C6orf118: variants seen among roughly 807,000 people sequenced by gnomAD.
C6orf118 encodes the protein chromosome 6 open reading frame 118.
C6orf118 carries 50 observed loss-of-function variants against 50.2 expected under a neutral mutation model. The observed-to-expected ratio is 1.00, with a 90% CI of 0.79 to 1.26. The LOEUF is 1.26. C6orf118 is among the 50% of genes most tolerant of loss of function. The probability of loss-of-function intolerance (pLI) is 0.00; values close to 1 mark genes in which losing one functional copy is unlikely to be tolerated. For missense variants in C6orf118, 641 were observed against 578.7 expected, an observed-to-expected ratio of 1.11 and a Z score of -1.10; for synonymous variants, 239 against 230.9, an observed-to-expected ratio of 1.03 and a Z score of -0.32.
intron 6 of C6orf118, 101 bp from the exon 7 acceptor site, chr6:165,290,168 T>C: frequency 4.4e-6 from 3 of 676,722 alleles, no homozygotes; most frequent in Non-Finnish European, 7.1e-6. Flanking sequence ...CTATAGTATA[T>C]ATAACTATAA....
Position 165,289,998 on chromosome 6 carries a change from C to A in C6orf118, c.1190G>T (p.Cys397Phe). 6.2e-7 allele frequency: 1 copy of A among 1,610,934 alleles called. No individual in the cohort carries two copies. Among genetic ancestry groups the A allele is most frequent in the Non-Finnish European group, 8.5e-7 (1 of 1,178,454 alleles). ...TLTEKVEKKRCEILSKWDEIQ... is the reference protein window; with the variant it reads ...TLTEKVEKKRFEILSKWDEIQ... Reference sequence around the variant, plus strand: ...CTCATCCCACTTACTGAGTATTTCACACCTCTTCTTTTCAACCTTCTCAGT... The same window carrying A: ...CTCATCCCACTTACTGAGTATTTCAAACCTCTTCTTTTCAACCTTCTCAGT... Residue 397 changes from cysteine to phenylalanine, a missense_variant, in exon 7 of 9, where the codon TGT becomes TTT. Cys to Phe is a radical substitution (Grantham distance 205, BLOSUM62 -2). Transcript: ENST00000230301.
At chr6:165,282,892 T>G (rs1348278058) in intron 7 of C6orf118, among the ~76,000 whole-genome samples, 1 of 152,208 alleles carries the variant, frequency 6.6e-6, no homozygotes, top group Admixed American at 6.5e-5. Flanking sequence ...GTTTACATTG[T>G]TCTGACATTA....
intron 4 of C6orf118, 150 bp from the exon 5 acceptor site, chr6:165,298,251 G>T: frequency 1.0e-6 from 1 of 988,232 alleles, no homozygotes; most frequent in Non-Finnish European, 1.4e-6. Context: ...ATTTAAGGGA[G>T]GGAGGGCCGT....
chr6:165,279,876 G>A lies in C6orf118; in HGVS notation c.*181C>T. The A allele has an allele frequency of 2.0e-6, 1 of 512,040 alleles. No homozygotes were observed. Among genetic ancestry groups the A allele is most frequent in the South Asian group, 3.6e-5 (1 of 27,436 alleles). The allele number at this position is 512,040 out of a possible 1,614,324, so 31.7% of individuals were successfully genotyped here. ...TATGTATGCAACAGAAACTAATCAT[G>A]TGTACGCATGTGTGTATTTCAGTAT... On this transcript the variant is annotated 3_prime_UTR_variant, in exon 9 of 9. Transcript: ENST00000230301.
chr6:165,298,597 G>A, intron 4 of C6orf118, among the ~76,000 whole-genome samples: 1 of 152,164 alleles, frequency 6.6e-6, no homozygotes, highest in Non-Finnish European at 1.5e-5. Flanking sequence ...CTGCTGGCCT[G>A]GGAATTTTTT....
chr6:165,287,190 G>C (rs1037001994), intron 7 of C6orf118, among the ~76,000 whole-genome samples: 1 of 152,008 alleles, frequency 6.6e-6, no homozygotes, highest in African/African-American at 2.4e-5. Flanking sequence ...TTGCCATAAA[G>C]AGAACAAAAT....
chr6:165,289,872 A>T lies in C6orf118; in HGVS notation c.1302+14T>A, dbSNP rs1335021154. 1 of 1,526,920 alleles carries T rather than the reference A, an allele frequency of 6.5e-7. No individual in the cohort carries two copies. Among genetic ancestry groups the T allele is most frequent in the Non-Finnish European group, 8.8e-7 (1 of 1,133,006 alleles). 94.6% of individuals were successfully genotyped at this position (1,526,920 alleles called of 1,614,324 possible). ...AAAGAATAATGTAAATATTTAAATA[A>T]ATAAGTTGCGTACCTCTATGCTTTT... On this transcript the variant is annotated intron_variant, in intron 7 of 8. Transcript: ENST00000230301.
At chr6:165,308,107 G>A (rs1780813235) in intron 1 of C6orf118, among the ~76,000 whole-genome samples, 1 of 152,226 alleles carries the variant, frequency 6.6e-6, no homozygotes, top group South Asian at 2.1e-4. Flanking sequence ...GCCCAAGGGA[G>A]AAGCACATGC....
At position 165,301,791 on chromosome 6, in the gene C6orf118, G is replaced by C; in HGVS notation, c.531C>G (p.Leu177=). 1 of 1,614,048 alleles carries C rather than the reference G, an allele frequency of 6.2e-7. No homozygotes were observed. Among genetic ancestry groups the C allele is most frequent in the Non-Finnish European group, 8.5e-7 (1 of 1,180,012 alleles). ...GPPGWRRREE[L]RLPDLKVLCY... is the part of the protein sequence containing the mutation. ...ACAGCACCTTCAAGTCGGGCAGCCG[G>C]AGTTCTTCCCTCCTGCGCCATCCAG... is the stretch of plus-strand genomic sequence containing the variant. The change falls in exon 2 of 9, where the codon CTC becomes CTG. Residue 177 remains leucine (L), a synonymous_variant. Coordinates refer to ENST00000230301, the MANE Select transcript of C6orf118 (RefSeq NM_144980.4).
intron 5 of C6orf118, among the ~76,000 whole-genome samples, chr6:165,295,661 C>T (rs74429976): frequency 4.6e-4 from 23 of 50,538 alleles, no homozygotes; most frequent in South Asian, 6.1e-4. Flanking sequence ...TTTTTTTTTT[C>T]GGTGTTGTTT....
chr6:165,299,022 GA>G (rs1780415333), intron 4 of C6orf118, among the ~76,000 whole-genome samples: 1 of 152,118 alleles, frequency 6.6e-6, no homozygotes, highest in African/African-American at 2.4e-5. Context: ...TGTTTAACCC[GA>G]CCCTGGAAGG....
intron 5 of C6orf118, among the ~76,000 whole-genome samples, chr6:165,297,713 G>C (rs1780359740): frequency 6.6e-6 from 1 of 152,146 alleles, no homozygotes; most frequent in Non-Finnish European, 1.5e-5. Flanking sequence ...CTATCAGTCA[G>C]TCTTCAGGGG....
rs1316041999 is a variant in C6orf118 at position 165,301,591 on chromosome 6, C to T, written c.731G>A (p.Gly244Asp). The change falls in exon 2 of 9, where the codon GGC becomes GAC. Residue 244 changes from glycine (G) to aspartate (D), a missense_variant. Transcript: ENST00000230301. ...CACCTGCTGCAGCTTTCTCTCGTGG[C>T]CCGCGGCCGCCTTGCTCCCAGTGAA... Reference protein sequence around the residue: ...NDFTGSKAAAGHERKLQQELQ... With the variant: ...NDFTGSKAAADHERKLQQELQ... 6.2e-7 allele frequency: 1 copy of T among 1,613,072 alleles called. No individual in the cohort carries two copies. The highest frequency in any genetic ancestry group is 1.3e-5 in the African/African-American group (1 of 74,912).
At chr6:165,300,751 T>A (rs1780498003) in intron 2 of C6orf118, among the ~76,000 whole-genome samples, 1 of 151,990 alleles carries the variant, frequency 6.6e-6, no homozygotes, top group Admixed American at 6.6e-5. Flanking sequence ...GCATTCACTC[T>A]CCGCCTCCAC....
rs532332663 is a variant in C6orf118 at position 165,292,234 on chromosome 6, A to G, written c.1120+1179T>C. 7.9e-5 allele frequency among the ~76,000 whole-genome samples: 12 copies of G among 152,318 alleles called. 1 individual carries two copies. The South Asian group carries it at 2.5e-3, about 32-fold the overall frequency. On this transcript the variant is annotated intron_variant, in intron 6 of 8. Coordinates refer to ENST00000230301, the MANE Select transcript of C6orf118 (RefSeq NM_144980.4). ...CTACCCTCAAGACATAACTATAGGGAAAGACTGAGGTATGAAAATGGGGAC... is the reference window on the plus strand; with the variant it reads ...CTACCCTCAAGACATAACTATAGGGGAAGACTGAGGTATGAAAATGGGGAC...
At chr6:165,300,511 A>AT in intron 2 of C6orf118, 25 bp from the exon 3 acceptor site, 1 of 1,592,602 alleles carries the variant, frequency 6.3e-7, no homozygotes, top group Admixed American at 1.7e-5. Flanking sequence ...GAGTCAGCCC[A>AT]TTTCAGGGTG....
At chr6:165,301,404 A>C in intron 2 of C6orf118, among the ~76,000 whole-genome samples, 165 bp downstream of exon 2, 1 of 69,944 alleles carries the variant, frequency 1.4e-5, no homozygotes, top group African/African-American at 6.0e-5. Flanking sequence ...CACTGCACAG[A>C]GAGCACTGCA....
At chr6:165,299,943 C>T (rs775948497) in intron 3 of C6orf118, among the ~76,000 whole-genome samples, 18 of 152,128 alleles carry the variant, frequency 1.2e-4, no homozygotes, top group Non-Finnish European at 1.6e-4. Context: ...ATCAGCCTCT[C>T]AAAGTGCTAG....
At chr6:165,306,401 C>A (rs1780729832) in intron 1 of C6orf118, among the ~76,000 whole-genome samples, 1 of 126,982 alleles carries the variant, frequency 7.9e-6, no homozygotes, top group African/African-American at 3.0e-5. Flanking sequence ...GTGCAGCGCA[C>A]CAGCATGGCA....
Sources: gnomAD v4.1 joint callset for allele counts (sites outside exome capture counted in the v4.1 genomes callset) on GRCh38, gnomAD v4.1.1 for gene constraint, MANE v1.5 for transcripts, NCBI Gene and HGNC (gene_info 2026-07-23, HGNC 2026-07-21) for gene names.